The following FGF12 variants were observed in gnomAD, a reference collection of about 807,000 sequenced individuals.
FGF12 encodes fibroblast growth factor 12B.
A neutral mutation model predicts 23.6 loss-of-function variants in FGF12; 14 were observed. That is an observed-to-expected ratio of 0.59 (90% CI 0.39 to 0.93). The LOEUF (loss-of-function observed/expected upper bound fraction) is 0.93. Among genes scored for constraint, FGF12 ranks in the 40% least tolerant of loss-of-function variants. FGF12 has a pLI of 0.00. For synonymous variants in FGF12, 62 were observed against 77.3 expected (o/e 0.80, Z 1.04); for missense variants, 175 against 217.8 (o/e 0.80, Z 1.24).
intron 4 of FGF12, among the ~76,000 whole-genome samples, chr3:192,182,142 G>A (rs530347173): frequency 7.1e-4 from 108 of 152,178 alleles, no homozygotes; most frequent in African/African-American, 2.5e-3. Flanking sequence ...GTATTTGTGT[G>A]TATTATGTAT....
intron 4 of FGF12, among the ~76,000 whole-genome samples, chr3:192,306,341 C>T (rs775119604): frequency 6.6e-6 from 1 of 152,020 alleles, no homozygotes; most frequent in Non-Finnish European, 1.5e-5. Flanking sequence ...TACATAAAAA[C>T]GTGCCTTAAC....
intron 2 of FGF12, among the ~76,000 whole-genome samples, chr3:192,518,988 T>C (rs1724749349): frequency 6.6e-6 from 1 of 152,152 alleles, no homozygotes; most frequent in Non-Finnish European, 1.5e-5. Context: ...AGTTTCCACT[T>C]ATGCAAATGT....
At chr3:192,314,275 A>G (rs1336700686) in intron 4 of FGF12, among the ~76,000 whole-genome samples, 10 of 148,088 alleles carry the variant, frequency 6.8e-5, no homozygotes, top group Non-Finnish European at 1.5e-4. Flanking sequence ...GCTTAAAATT[A>G]AAAATTAAAA....
chr3:192,569,770 T>C (rs1450621395), intron 2 of FGF12, among the ~76,000 whole-genome samples: 9 of 152,218 alleles, frequency 5.9e-5, no homozygotes, highest in African/African-American at 1.9e-4. Flanking sequence ...ACTTTCTTTA[T>C]TGAGAAACGC....
At chr3:192,589,582 G>A (rs1197264345) in intron 2 of FGF12, among the ~76,000 whole-genome samples, 1 of 151,784 alleles carries the variant, frequency 6.6e-6, no homozygotes, top group Non-Finnish European at 1.5e-5. Flanking sequence ...TCATCAGCAA[G>A]TCCAGGATGT....
At chr3:192,317,370 C>A (rs1243460326) in intron 4 of FGF12, among the ~76,000 whole-genome samples, 1 of 151,802 alleles carries the variant, frequency 6.6e-6, no homozygotes, top group Admixed American at 6.6e-5. Flanking sequence ...AGAGCGAGAC[C>A]CAGCCCTGGC....
chr3:192,313,909 G>A (rs551846326), intron 4 of FGF12, among the ~76,000 whole-genome samples: 3 of 152,304 alleles, frequency 2.0e-5, no homozygotes, highest in Non-Finnish European at 4.4e-5. Flanking sequence ...ATATATTGAA[G>A]CCTAATGCTC....
intron 4 of FGF12, among the ~76,000 whole-genome samples, chr3:192,178,633 A>C (rs1348006272): frequency 6.6e-6 from 1 of 151,978 alleles, no homozygotes; most frequent in African/African-American, 2.4e-5. Context: ...TGAGTAGCTG[A>C]GATTACAGGC....
intron 2 of FGF12, among the ~76,000 whole-genome samples, chr3:192,722,469 C>G (rs1289567741): frequency 1.3e-5 from 2 of 152,160 alleles, no homozygotes; most frequent in Admixed American, 6.5e-5. Flanking sequence ...ATGGCCCTGA[C>G]TGAACTCTGA....
chr3:192,606,040 A>C (rs896337111), intron 2 of FGF12, among the ~76,000 whole-genome samples: 1 of 152,212 alleles, frequency 6.6e-6, no homozygotes, highest in African/African-American at 2.4e-5. Context: ...AAAGGAAATA[A>C]ATTATTCTAC....
At chr3:192,442,808 C>CTTTTTTTTTTTTTTTTTTTT (rs764710938) in intron 2 of FGF12, among the ~76,000 whole-genome samples, 1 of 139,752 alleles carries the variant, frequency 7.2e-6, no homozygotes, top group Non-Finnish European at 1.6e-5. Flanking sequence ...TGTATTCTAT[C>CTTTTTTTTTTTTTTTTTTTT]TTTTTTTTTT....
At chr3:192,372,346 T>G (rs1390790978) in intron 2 of FGF12, among the ~76,000 whole-genome samples, 1 of 152,070 alleles carries the variant, frequency 6.6e-6, no homozygotes, top group African/African-American at 2.4e-5. Context: ...AGGTATATTA[T>G]TATGGTTGTT....
intron 2 of FGF12, among the ~76,000 whole-genome samples, chr3:192,555,823 T>G (rs940154403): frequency 6.6e-6 from 1 of 151,674 alleles, no homozygotes; most frequent in Admixed American, 6.6e-5. Context: ...AAGATGTAAT[T>G]TGTGACATCT....
At chr3:192,158,430 T>TC (rs1229338209) in intron 5 of FGF12, among the ~76,000 whole-genome samples, 16 of 144,050 alleles carry the variant, frequency 1.1e-4, no homozygotes, top group East Asian at 8.6e-4. Flanking sequence ...TCTTTTTCTT[T>TC]TTTCTTTCTT....
chr3:192,346,807 A>C (rs1717986965), intron 3 of FGF12, among the ~76,000 whole-genome samples: 1 of 152,172 alleles, frequency 6.6e-6, no homozygotes, highest in Non-Finnish European at 1.5e-5. Flanking sequence ...AGGAAGGGGT[A>C]CTTCAGCCAT....
rs117840959 is a variant in FGF12 at position 192,640,152 on chromosome 3, T to C, written c.13+87029A>G. 7.9e-5 allele frequency among the ~76,000 whole-genome samples: 12 copies of C among 152,298 alleles called. No homozygotes were observed. In the East Asian group the frequency reaches 2.3e-3, roughly 29 times the overall value. On this transcript the variant is annotated intron_variant, in intron 2 of 5. Transcript: ENST00000445105. ...GGAGGATGTGGTACAACATGAGGAC[T>C]ACAGCTAATAAATGTGTGCTGTATT... is the stretch of plus-strand genomic sequence containing the variant.
intron 3 of FGF12, among the ~76,000 whole-genome samples, chr3:192,346,918 T>C (rs1378630309): frequency 1.3e-5 from 2 of 152,090 alleles, no homozygotes; most frequent in East Asian, 1.9e-4. Flanking sequence ...AAAATCAATA[T>C]CTTATTGTAT....
chr3:192,510,490 G>T (rs1021961725), intron 2 of FGF12, among the ~76,000 whole-genome samples: 1 of 152,148 alleles, frequency 6.6e-6, no homozygotes, highest in African/African-American at 2.4e-5. Flanking sequence ...CAAAAATGTG[G>T]AGCACCAGGA....
At chr3:192,643,203 T>C (rs189704698) in intron 2 of FGF12, among the ~76,000 whole-genome samples, 16 of 152,104 alleles carry the variant, frequency 1.1e-4, no homozygotes, top group Admixed American at 6.5e-4. Flanking sequence ...GATGGATGGA[T>C]AGATAGATAA....
Sources: allele counts gnomAD v4.1 joint callset (sites outside exome capture counted in the v4.1 genomes callset), GRCh38; gene constraint gnomAD v4.1.1; transcripts MANE v1.5; gene names NCBI Gene and HGNC (gene_info 2026-07-23, HGNC 2026-07-21).